TFCP2: variants seen among roughly 807,000 people sequenced by gnomAD.
TFCP2 encodes transcription factor CP2, also known as alpha-globin transcription factor CP2.
TFCP2 carries 33 observed loss-of-function variants against 73.4 expected under a neutral mutation model. The observed-to-expected ratio is 0.45, with a 90% CI of 0.34 to 0.60. TFCP2 has a LOEUF of 0.60. TFCP2 is among the 20% of genes least tolerant of loss of function. TFCP2 has a pLI of 0.01. For missense variants in TFCP2, 352 were observed against 604.0 expected (o/e 0.58, Z 4.37); for synonymous variants, 193 against 211.6 (o/e 0.91, Z 0.76).
Position 51,172,526 on chromosome 12 carries a change from G to C in TFCP2, c.-104C>G. The stretch of plus-strand genomic sequence containing the variant: ...GCAAACCAAGAAAACTACAAACCAA[G>C]GTTTCCCACGCAGTGCCCACCAGCC... On this transcript the variant is annotated 5_prime_UTR_variant, in exon 1 of 15. Coordinates refer to ENST00000257915, the MANE Select transcript of TFCP2 (RefSeq NM_005653.5). 2 of 1,523,558 alleles carry C rather than the reference G, an allele frequency of 1.3e-6. No individual in the cohort carries two copies. The highest frequency in any genetic ancestry group is 1.8e-6 in the Non-Finnish European group (2 of 1,126,506). 94.4% of individuals were successfully genotyped at this position (1,523,558 alleles called of 1,614,324 possible). A position where few individuals can be genotyped will look rare whatever the true frequency, so the allele number is the denominator to read the frequency against.
intron 1 of TFCP2, among the ~76,000 whole-genome samples, chr12:51,138,802 C>T (rs1223179581): frequency 6.6e-6 from 1 of 152,080 alleles, no homozygotes; most frequent in East Asian, 1.9e-4. Flanking sequence ...CCACACCTGG[C>T]TAACTTTCTA....
intron 1 of TFCP2, among the ~76,000 whole-genome samples, chr12:51,156,378 C>A (rs1355049724): frequency 6.6e-6 from 1 of 151,956 alleles, no homozygotes; most frequent in African/African-American, 2.4e-5. Flanking sequence ...ACAACCAGCT[C>A]TTGAGTAAAC....
intron 1 of TFCP2, among the ~76,000 whole-genome samples, chr12:51,129,102 C>T (rs570634371): frequency 1.3e-5 from 2 of 152,236 alleles, no homozygotes; most frequent in Non-Finnish European, 2.9e-5. Context: ...GCCAAAATCA[C>T]TGGTATCAGG....
chr12:51,131,105 G>A (rs888287406), intron 1 of TFCP2, among the ~76,000 whole-genome samples: 5 of 151,080 alleles, frequency 3.3e-5, no homozygotes, highest in South Asian at 2.1e-4. Flanking sequence ...CGAGGCGGGC[G>A]GATCACGGGG....
chr12:51,169,322 G>A (rs1433832044), intron 1 of TFCP2, among the ~76,000 whole-genome samples: 1 of 151,792 alleles, frequency 6.6e-6, no homozygotes, highest in African/African-American at 2.4e-5. Context: ...CCAATATGGT[G>A]AAACCCCATC....
At chr12:51,137,093 C>T (rs538085855) in intron 1 of TFCP2, among the ~76,000 whole-genome samples, 36 of 152,280 alleles carry the variant, frequency 2.4e-4, no homozygotes, top group Non-Finnish European at 4.9e-4. Flanking sequence ...GTTCTTTAAG[C>T]ACTTTAAGAA....
intron 4 of TFCP2, among the ~76,000 whole-genome samples, chr12:51,113,457 T>C (rs1186796413): frequency 6.6e-6 from 1 of 152,178 alleles, no homozygotes; most frequent in African/African-American, 2.4e-5. Flanking sequence ...CCAAGTGACA[T>C]AGCTTCTAAT....
intron 1 of TFCP2, among the ~76,000 whole-genome samples, chr12:51,167,135 C>T (rs1363476397): frequency 6.6e-6 from 1 of 151,974 alleles, no homozygotes; most frequent in Admixed American, 6.6e-5. Context: ...TCTCCTTTTC[C>T]TTTTAGTATA....
chr12:51,140,403 C>G (rs964162712), intron 1 of TFCP2, among the ~76,000 whole-genome samples: 1 of 147,618 alleles, frequency 6.8e-6, no homozygotes, highest in Non-Finnish European at 1.5e-5. Context: ...GTCTTTCTTC[C>G]TTTTTTCTTC....
chr12:51,132,669 G>A (rs1197697532), intron 1 of TFCP2, among the ~76,000 whole-genome samples: 3 of 151,830 alleles, frequency 2.0e-5, no homozygotes, highest in Non-Finnish European at 4.4e-5. Context: ...GTGCCCGGCC[G>A]GGTCTAGTCT....
At position 51,104,182 on chromosome 12, in the gene TFCP2, C is replaced by T; in HGVS notation, c.939G>A (p.Gln313=). ...LGEGNGSPNH[Q]PEPPPPVTDN... ...CTGTGACTGGAGGGGGTGGCTCTGG[C>T]TGGTGGTTTGGTGAACCATTTCTAA... The change falls in exon 9 of 15, where the codon CAG becomes CAA. Residue 313 remains glutamine (Q), a synonymous_variant. Coordinates refer to ENST00000257915, the MANE Select transcript of TFCP2 (RefSeq NM_005653.5). The T allele has an allele frequency of 6.2e-7, 1 of 1,614,022 alleles. No homozygotes were observed. Among genetic ancestry groups the T allele is most frequent in the Non-Finnish European group, 8.5e-7 (1 of 1,179,976 alleles).
In TFCP2 at chr12:51,126,106, G is replaced by A. The variant is rs574485258; in HGVS notation, c.123-7334C>T. 4.6e-5 allele frequency among the ~76,000 whole-genome samples: 7 copies of A among 151,960 alleles called. No individual in the cohort carries two copies. The East Asian group carries it at 5.8e-4, about 13-fold the overall frequency. On this transcript the variant is annotated intron_variant, in intron 1 of 14. Transcript: ENST00000257915. ...AAATTAGCCGGGCGTGGTGTTGGGC[G>A]CCTGTAGTCCCAGCTACTTGGGAAG...
Position 51,109,103 on chromosome 12 carries a change from C to G in TFCP2, c.717+18G>C, listed in dbSNP as rs752958644. Reference sequence around the variant, plus strand: ...TAAGGTAAAAGAATCCAAGGGCCAGCACATTGCCCAGGAATACCTTGAAAA... The same window carrying G: ...TAAGGTAAAAGAATCCAAGGGCCAGGACATTGCCCAGGAATACCTTGAAAA... On this transcript the variant is annotated intron_variant, in intron 6 of 14. Coordinates refer to ENST00000257915, the MANE Select transcript of TFCP2 (RefSeq NM_005653.5). 23 of 1,612,730 alleles carry G rather than the reference C, an allele frequency of 1.4e-5. No homozygotes were observed. The highest frequency in any genetic ancestry group is 2.0e-5 in the Non-Finnish European group (23 of 1,178,992).
intron 1 of TFCP2, among the ~76,000 whole-genome samples, chr12:51,157,681 CTTTTCTTT>C (rs1162614861): frequency 5.2e-5 from 4 of 77,288 alleles, no homozygotes; most frequent in East Asian, 7.7e-4. Context: ...TTTTTCTTTT[CTTTTCTTT>C]TTTTTTTTTT....
rs1592849827 is a variant in TFCP2, at chr12:51,173,060, C to A, written c.-638G>T. 2 of 152,696 alleles carry A rather than the reference C, an allele frequency of 1.3e-5. No individual in the cohort carries two copies. Among genetic ancestry groups the A allele is most frequent in the Middle Eastern group, 6.8e-3 (2 of 294 alleles). 9.5% of individuals were successfully genotyped at this position (152,696 alleles called of 1,614,324 possible). On this transcript the variant is annotated 5_prime_UTR_variant, in exon 1 of 15. Coordinates refer to ENST00000257915, the MANE Select transcript of TFCP2 (RefSeq NM_005653.5). ...CCAGCACAGGCGTAAAACCTAGACT[C>A]GCCAGGCCCTTCCACCGTCCGCCGC... is the stretch of plus-strand genomic sequence containing the variant.
chr12:51,172,964 C>T lies in TFCP2; in HGVS notation c.-542G>A, dbSNP rs547198054. The T allele has an allele frequency of 6.4e-6, 1 of 155,630 alleles. No individual in the cohort carries two copies. The highest frequency in any genetic ancestry group is 2.4e-5 in the African/African-American group (1 of 41,598). The allele number at this position is 155,630 out of a possible 1,614,324, so 9.6% of individuals were successfully genotyped here. ...TCAACCCCACGGCTTAGAACCAAAT[C>T]CAGGTTTCCGCTGAGCCGACTTCTC... is the stretch of plus-strand genomic sequence containing the variant. On this transcript the variant is annotated 5_prime_UTR_variant, in exon 1 of 15. An upstream open reading frame in the 5' UTR gains an earlier in-frame stop. Transcript: ENST00000257915.
At chr12:51,106,990 T>A in intron 7 of TFCP2, 1 of 569,172 alleles carries the variant, frequency 1.8e-6, no homozygotes, top group Non-Finnish European at 3.2e-6. Context: ...AACACCACAA[T>A]AGCTCCTGCA....
At chr12:51,165,728 A>G (rs7977104) in intron 1 of TFCP2, among the ~76,000 whole-genome samples, 25,598 of 152,226 alleles carry the variant, frequency 0.17, 2,576 homozygotes, top group South Asian at 0.27. Context: ...TGATCTGGAC[A>G]TTTTTAAAGG....
chr12:51,153,799 C>A (rs1941479497), intron 1 of TFCP2, among the ~76,000 whole-genome samples: 1 of 152,150 alleles, frequency 6.6e-6, no homozygotes, highest in Non-Finnish European at 1.5e-5. Flanking sequence ...TATCTAGGTT[C>A]CTTCCACCTT....
Sources: gnomAD v4.1 joint callset for allele counts (sites outside exome capture counted in the v4.1 genomes callset) on GRCh38, gnomAD v4.1.1 for gene constraint, MANE v1.5 for transcripts, NCBI Gene and HGNC (gene_info 2026-07-23, HGNC 2026-07-21) for gene names.